GNG7: variants seen among roughly 807,000 people sequenced by gnomAD.
GNG7 encodes the protein G protein subunit gamma 7, also known as guanine nucleotide-binding protein G(I)/G(S)/G(O) subunit gamma-7.
A neutral mutation model predicts 4.0 loss-of-function variants in GNG7; 1 was observed. The observed-to-expected ratio is 0.25, with a 90% CI of 0.09 to 1.18. The LOEUF is 1.18. GNG7 is among the 50% of genes most tolerant of loss of function. The pLI is 0.50. For synonymous variants in GNG7, 34 were observed against 36.9 expected, an observed-to-expected ratio of 0.92 and a Z score of 0.29; for missense variants, 86 against 91.9, an observed-to-expected ratio of 0.94 and a Z score of 0.26.
intron 2 of GNG7, among the ~76,000 whole-genome samples, chr19:2,574,058 C>T (rs73918017): frequency 0.014 from 2,098 of 152,240 alleles, 41 homozygotes; most frequent in African/African-American, 0.047. Flanking sequence ...GCCTTCTCAC[C>T]TTGGGTGCCT....
intron 1 of GNG7, among the ~76,000 whole-genome samples, chr19:2,658,476 G>A (rs1183873978): frequency 6.6e-6 from 1 of 152,002 alleles, no homozygotes; most frequent in Admixed American, 6.6e-5. Flanking sequence ...CGTGTTCACA[G>A]CAGCACGATT....
chr19:2,619,676 C>A (rs1372877167), intron 2 of GNG7, among the ~76,000 whole-genome samples: 2 of 152,084 alleles, frequency 1.3e-5, no homozygotes, highest in Admixed American at 1.3e-4. Context: ...CAGAGGGCCA[C>A]GCAGTGTGTG....
chr19:2,550,257 G>A (rs866011233), intron 3 of GNG7, among the ~76,000 whole-genome samples: 34 of 152,172 alleles, frequency 2.2e-4, no homozygotes, highest in African/African-American at 6.7e-4. Context: ...TTGCTCTGTC[G>A]CCGAGGCTGG....
chr19:2,637,076 C>A (rs993080170), intron 2 of GNG7, among the ~76,000 whole-genome samples: 8 of 151,932 alleles, frequency 5.3e-5, no homozygotes, highest in African/African-American at 1.9e-4. Context: ...CCTACCTGCA[C>A]CCCCCGCATC....
At chr19:2,620,863 T>C (rs1416215334) in intron 2 of GNG7, among the ~76,000 whole-genome samples, 1 of 152,162 alleles carries the variant, frequency 6.6e-6, no homozygotes, top group African/African-American at 2.4e-5. Context: ...ACTCCTGCGG[T>C]GGAAATGCTG....
chr19:2,551,590 C>CAAATATATATTTATATATATGT (rs1568240124), intron 3 of GNG7, among the ~76,000 whole-genome samples: 2 of 122,576 alleles, frequency 1.6e-5, no homozygotes, highest in African/African-American at 6.1e-5. Flanking sequence ...TATAAATATG[C>CAAATATATATTTATATATATGT]ATTTATAAAT....
At chr19:2,687,224 A>AT (rs879287073) in intron 1 of GNG7, among the ~76,000 whole-genome samples, 1 of 151,362 alleles carries the variant, frequency 6.6e-6, no homozygotes, top group Non-Finnish European at 1.5e-5. Flanking sequence ...TACTCAGTTA[A>AT]TTTTTTTCTC....
At chr19:2,604,074 T>C (rs1230264883) in intron 2 of GNG7, among the ~76,000 whole-genome samples, 2 of 151,828 alleles carry the variant, frequency 1.3e-5, no homozygotes, top group Non-Finnish European at 2.9e-5. Flanking sequence ...ATGGTATCGA[T>C]CTCTTGACCT....
chr19:2,680,585 T>TC (rs1289801491), intron 1 of GNG7, among the ~76,000 whole-genome samples: 1 of 150,492 alleles, frequency 6.6e-6, no homozygotes, highest in African/African-American at 2.4e-5. Flanking sequence ...TTTTTTTTTT[T>TC]TTTTTTTGAG....
At chr19:2,532,993 G>A (rs1978641232) in intron 3 of GNG7, among the ~76,000 whole-genome samples, 3 of 151,884 alleles carry the variant, frequency 2.0e-5, no homozygotes, top group Admixed American at 1.3e-4. Flanking sequence ...GGACTTGTAC[G>A]AGATGTTCAT....
intron 1 of GNG7, among the ~76,000 whole-genome samples, chr19:2,698,393 G>A (rs890467634): frequency 3.3e-5 from 5 of 151,840 alleles, no homozygotes; most frequent in East Asian, 1.9e-4. Context: ...GTGAAACCCC[G>A]TCTCTACTAA....
intron 1 of GNG7, among the ~76,000 whole-genome samples, chr19:2,676,160 C>T (rs1214845013): frequency 6.6e-6 from 1 of 152,230 alleles, no homozygotes; most frequent in South Asian, 2.1e-4. Context: ...AGGATCCTCC[C>T]CGGGAGCTTC....
chr19:2,637,665 A>C (rs1446275703), intron 2 of GNG7, among the ~76,000 whole-genome samples: 1 of 152,162 alleles, frequency 6.6e-6, no homozygotes, highest in Non-Finnish European at 1.5e-5. Context: ...CGTCCCCTCT[A>C]CTGGGGCCTC....
At chr19:2,602,164 C>T (rs1568258987) in intron 2 of GNG7, among the ~76,000 whole-genome samples, 1 of 152,058 alleles carries the variant, frequency 6.6e-6, no homozygotes, top group South Asian at 2.1e-4. Flanking sequence ...TGGTGAAACC[C>T]CGTCTCTACT....
chr19:2,521,612 G>GTTTTTTTTTTTT lies in GNG7; in HGVS notation c.-37-899_-37-888dup, dbSNP rs71178284. 1.8e-4 allele frequency among the ~76,000 whole-genome samples: 19 copies of GTTTTTTTTTTTT among 104,700 alleles called. 2 individuals carry two copies. The highest frequency in any genetic ancestry group is 7.5e-4 in the African/African-American group (19 of 25,484). The allele number at this position is 104,700 out of a possible 152,430, so 68.7% of individuals were successfully genotyped here. A position where few individuals can be genotyped will look rare whatever the true frequency, so the allele number is the denominator to read the frequency against. ...ACCCCTGGTGACTGTCCCCCTCCGT[G>GTTTTTTTTTTTT]TTTTTTTTTTTTTTTTTTTGAGACA... is the stretch of plus-strand genomic sequence containing the variant. On this transcript the variant is annotated intron_variant, in intron 3 of 4. Transcript: ENST00000382159.
In GNG7 at chr19:2,557,047, TCA is replaced by T. The variant is rs1393291503; in HGVS notation, c.-77-1861_-77-1860del. Among the ~76,000 whole-genome samples the T allele has an allele frequency of 4.5e-5, 6 of 133,756 alleles. No individual in the cohort carries two copies. Among genetic ancestry groups the T allele is most frequent in the South Asian group, 2.3e-4 (1 of 4,330 alleles). 87.7% of individuals were successfully genotyped at this position (133,756 alleles called of 152,430 possible). On this transcript the variant is annotated intron_variant, in intron 2 of 4. Coordinates refer to ENST00000382159, the MANE Select transcript of GNG7 (RefSeq NM_052847.3). The surrounding 1 kb of genome is among the most constrained non-coding windows in gnomAD (Gnocchi z 5.1). ...CACGCACACACAGACACACGCACAC[TCA>T]CACACATATGCACGCACACAGACAC...
chr19:2,648,586 A>G (rs572590910), intron 1 of GNG7, among the ~76,000 whole-genome samples: 2 of 152,362 alleles, frequency 1.3e-5, no homozygotes, highest in Admixed American at 1.3e-4. Context: ...AGGGTAATTT[A>G]CCATCAATAA....
At chr19:2,518,810 T>C (rs1978294231) in intron 4 of GNG7, among the ~76,000 whole-genome samples, 1 of 152,092 alleles carries the variant, frequency 6.6e-6, no homozygotes, top group Non-Finnish European at 1.5e-5. Context: ...TTGTTTTTTT[T>C]CTGAGATGGA....
chr19:2,542,250 G>A (rs1008003318), intron 3 of GNG7, among the ~76,000 whole-genome samples: 24 of 151,078 alleles, frequency 1.6e-4, no homozygotes, highest in African/African-American at 5.8e-4. Context: ...GAGTAACTGC[G>A]ATTACAGGCG....
Sources: gnomAD v4.1 joint callset for allele counts (sites outside exome capture counted in the v4.1 genomes callset) on GRCh38, gnomAD v4.1.1 for gene constraint, Gnocchi (gnomAD v3.1) non-coding constraint, MANE v1.5 for transcripts, NCBI Gene and HGNC (gene_info 2026-07-23, HGNC 2026-07-21) for gene names.